The following NUS1 variants were observed in gnomAD, a reference collection of about 807,000 sequenced individuals.
NUS1 encodes NUS1 dehydrodolichyl diphosphate synthase subunit.
For synonymous variants in NUS1, 135 were observed against 155.2 expected, an observed-to-expected ratio of 0.87 and a Z score of 0.97; for missense variants, 292 against 382.9, an observed-to-expected ratio of 0.76 and a Z score of 1.98.
Position 117,683,174 on chromosome 6 carries a change from C to G in NUS1, c.415+7089C>G, listed in dbSNP as rs867452009. Among the ~76,000 whole-genome samples the G allele has an allele frequency of 2.6e-5, 4 of 152,160 alleles. No homozygotes were observed. In the South Asian group the frequency reaches 8.3e-4, roughly 31 times the overall value. On this transcript the variant is annotated intron_variant, in intron 1 of 4. Transcript: ENST00000368494. ...CACATGGATTGTTCATTTTACATATCTCTTGTGCTGACAAGCTAGGACTTA... is the reference window on the plus strand; with the variant it reads ...CACATGGATTGTTCATTTTACATATGTCTTGTGCTGACAAGCTAGGACTTA...
At chr6:117,684,335 T>G (rs1773105710) in intron 1 of NUS1, among the ~76,000 whole-genome samples, 2 of 152,214 alleles carry the variant, frequency 1.3e-5, no homozygotes, top group Non-Finnish European at 2.9e-5. Context: ...TCTAACTCCT[T>G]GTCTAAAATA....
Position 117,707,839 on chromosome 6 carries a change from C to T in NUS1, c.*824C>T, listed in dbSNP as rs1015941134. On this transcript the variant is annotated 3_prime_UTR_variant, in exon 5 of 5. Transcript: ENST00000368494. ...TAGGCAGTCAAAAAAACCAAGCAAG[C>T]ATAAAAGGTCAATAAGTTGTAATCT... 1 of 152,410 alleles carries T rather than the reference C, an allele frequency of 6.6e-6. No homozygotes were observed. Among genetic ancestry groups the T allele is most frequent in the African/African-American group, 2.4e-5 (1 of 41,396 alleles). The allele number at this position is 152,410 out of a possible 1,614,324, so 9.4% of individuals were successfully genotyped here. A position where few individuals can be genotyped will look rare whatever the true frequency, so the allele number is the denominator to read the frequency against.
Position 117,687,606 on chromosome 6 carries a change from G to A in NUS1, c.416-5436G>A, listed in dbSNP as rs544165401. Among the ~76,000 whole-genome samples, 242 of 152,258 alleles carry A rather than the reference G, an allele frequency of 1.6e-3. 6 individuals are homozygous for A. In the South Asian group the frequency reaches 0.048, roughly 30 times the overall value. ...GAATTAGGAGAATTTAACAGGCATG[G>A]GCTTGGGGAAGTGGCATAAAGGATG... On this transcript the variant is annotated intron_variant, in intron 1 of 4. Transcript: ENST00000368494.
In NUS1 at chr6:117,682,257, T is replaced by C. The variant is rs75711629; in HGVS notation, c.415+6172T>C. 8.1e-3 allele frequency among the ~76,000 whole-genome samples: 1,236 copies of C among 152,334 alleles called. 20 individuals carry two copies. The highest frequency in any genetic ancestry group is 0.026 in the African/African-American group (1,075 of 41,580). ...CTTTTGTTAACTTTTTAAATGACTT[T>C]ATTCTCTATGTACCCTTTTGTTTAA... On this transcript the variant is annotated intron_variant, in intron 1 of 4. Coordinates refer to ENST00000368494, the MANE Select transcript of NUS1 (RefSeq NM_138459.5).
At chr6:117,682,926 T>C (rs1773083204) in intron 1 of NUS1, among the ~76,000 whole-genome samples, 1 of 152,252 alleles carries the variant, frequency 6.6e-6, no homozygotes, top group Non-Finnish European at 1.5e-5. Context: ...CTACAGGTTA[T>C]AGAAATTATT....
chr6:117,696,804 G>A (rs780791227), intron 3 of NUS1, among the ~76,000 whole-genome samples: 1 of 152,100 alleles, frequency 6.6e-6, no homozygotes, highest in African/African-American at 2.4e-5. Flanking sequence ...AGGAAAAGAT[G>A]TTAATGAGCA....
chr6:117,692,448 A>G (rs936992200), intron 1 of NUS1, among the ~76,000 whole-genome samples: 1 of 152,110 alleles, frequency 6.6e-6, no homozygotes, highest in African/African-American at 2.4e-5. Context: ...ACAGTAGTTA[A>G]CAGTGTTAAC....
intron 1 of NUS1, among the ~76,000 whole-genome samples, chr6:117,676,447 ATATGCCTG>A (rs1772982794): frequency 6.6e-6 from 1 of 152,104 alleles, no homozygotes; most frequent in African/African-American, 2.4e-5. Context: ...GCGTGGTGGC[ATATGCCTG>A]TAATCCCAGC....
intron 3 of NUS1, among the ~76,000 whole-genome samples, chr6:117,699,101 A>T (rs1405289067): frequency 6.6e-6 from 1 of 152,134 alleles, no homozygotes; most frequent in African/African-American, 2.4e-5. Flanking sequence ...GAACACAAGG[A>T]TGCCACTTTC....
At position 117,675,934 on chromosome 6, in the gene NUS1, C is replaced by T. The variant is rs959021329; in HGVS notation, c.264C>T (p.Arg88=). 33 of 1,544,820 alleles carry T rather than the reference C, an allele frequency of 2.1e-5. No individual in the cohort carries two copies. The highest frequency in any genetic ancestry group is 2.7e-5 in the Non-Finnish European group (31 of 1,143,692). ...LAAAHHRMRW[R]ADGRSLEKLP... Reference sequence around the variant, plus strand: ...CCGCACACCACCGGATGCGCTGGCGCGCGGACGGTCGTTCCTTGGAGAAGC... The same window carrying T: ...CCGCACACCACCGGATGCGCTGGCGTGCGGACGGTCGTTCCTTGGAGAAGC... Residue 88 remains arginine, a synonymous_variant, in exon 1 of 5, where the codon CGC becomes CGT. Transcript: ENST00000368494.
chr6:117,707,573 C>T lies in NUS1; in HGVS notation c.*558C>T, dbSNP rs908852675. 7.3e-6 allele frequency: 1 copy of T among 137,290 alleles called. No individual in the cohort carries two copies. Among genetic ancestry groups the T allele is most frequent in the Non-Finnish European group, 1.5e-5 (1 of 64,668 alleles). 8.5% of individuals were successfully genotyped at this position (137,290 alleles called of 1,614,324 possible). A position where few individuals can be genotyped will look rare whatever the true frequency, so the allele number is the denominator to read the frequency against. Reference sequence around the variant, plus strand: ...GCTCACCTTCAGAGCAGAGGGAATACCTATCTTCAGATATCCGTCCATTTT... The same window carrying T: ...GCTCACCTTCAGAGCAGAGGGAATATCTATCTTCAGATATCCGTCCATTTT... On this transcript the variant is annotated 3_prime_UTR_variant, in exon 5 of 5. Coordinates refer to ENST00000368494, the MANE Select transcript of NUS1 (RefSeq NM_138459.5).
intron 4 of NUS1, among the ~76,000 whole-genome samples, chr6:117,705,622 G>A (rs781467700): frequency 1.7e-4 from 26 of 152,086 alleles, no homozygotes; most frequent in Non-Finnish European, 2.8e-4. Context: ...TCATAATACA[G>A]AGAAGGGAAG....
intron 4 of NUS1, among the ~76,000 whole-genome samples, chr6:117,705,688 A>G (rs1443954498): frequency 6.6e-6 from 1 of 152,166 alleles, no homozygotes; most frequent in African/African-American, 2.4e-5. Context: ...TGAGGCATTG[A>G]GGAGTAGTGG....
rs1266907450 is a variant in NUS1, at chr6:117,707,928, TG to T, written c.*916del. On this transcript the variant is annotated 3_prime_UTR_variant, in exon 5 of 5. Coordinates refer to ENST00000368494, the MANE Select transcript of NUS1 (RefSeq NM_138459.5). ...AAGTTTTATTTCCTTTTTTGTTTGATGGGCAGTATGCCATATTATACCCAAA... is the reference window on the plus strand; with the variant it reads ...AAGTTTTATTTCCTTTTTTGTTTGATGGCAGTATGCCATATTATACCCAAA... 1.3e-5 allele frequency: 2 copies of T among 152,296 alleles called. No individual in the cohort carries two copies. The highest frequency in any genetic ancestry group is 2.9e-5 in the Non-Finnish European group (2 of 68,040). The allele number at this position is 152,296 out of a possible 1,614,324, so 9.4% of individuals were successfully genotyped here.
chr6:117,685,220 T>C (rs1457301663), intron 1 of NUS1, among the ~76,000 whole-genome samples: 2 of 152,224 alleles, frequency 1.3e-5, no homozygotes, highest in East Asian at 3.8e-4. Flanking sequence ...TAGAATAATA[T>C]TCTTCTTTCA....
intron 1 of NUS1, among the ~76,000 whole-genome samples, chr6:117,682,329 G>A (rs1773073334): frequency 6.6e-6 from 1 of 152,106 alleles, no homozygotes; most frequent in Non-Finnish European, 1.5e-5. Flanking sequence ...GCTGAGTGTG[G>A]TGGCTCATGC....
At position 117,681,896 on chromosome 6, in the gene NUS1, G is replaced by A. The variant is rs201109530; in HGVS notation, c.415+5811G>A. Among the ~76,000 whole-genome samples the A allele has an allele frequency of 1.8e-4, 28 of 152,262 alleles. No homozygotes were observed. The East Asian group carries it at 4.2e-3, about 23-fold the overall frequency. ...CGCCCAGGCTGGAGTGCAGTGGTGCGATCTCGGCTCACTGCGACCTCTGCC... is the reference window on the plus strand; with the variant it reads ...CGCCCAGGCTGGAGTGCAGTGGTGCAATCTCGGCTCACTGCGACCTCTGCC... On this transcript the variant is annotated intron_variant, in intron 1 of 4. Coordinates refer to ENST00000368494, the MANE Select transcript of NUS1 (RefSeq NM_138459.5).
chr6:117,683,661 G>C (rs1324502376), intron 1 of NUS1, among the ~76,000 whole-genome samples: 2 of 151,980 alleles, frequency 1.3e-5, no homozygotes, highest in African/African-American at 2.4e-5. Context: ...TCTCTTGTTT[G>C]TTCTTGTAAG....
At chr6:117,699,266 A>G (rs907712885) in intron 3 of NUS1, among the ~76,000 whole-genome samples, 71 of 152,304 alleles carry the variant, frequency 4.7e-4, no homozygotes, top group African/African-American at 1.6e-3. Context: ...CCGGACAACA[A>G]TTAGAACAGA....
Sources: gnomAD v4.1 joint callset for allele counts (sites outside exome capture counted in the v4.1 genomes callset) on GRCh38, gnomAD v4.1.1 for gene constraint, MANE v1.5 for transcripts, NCBI Gene and HGNC (gene_info 2026-07-23, HGNC 2026-07-21) for gene names.